TMEM138: variants seen among roughly 807,000 people sequenced by gnomAD.
The protein encoded by TMEM138 is transmembrane protein 138.
Under a neutral mutation model 18.1 loss-of-function variants are expected in TMEM138, and 9 were observed. The ratio of observed to expected loss-of-function variants is 0.50; its 90% CI spans 0.30 to 0.87. The LOEUF (loss-of-function observed/expected upper bound fraction) is 0.87. Among genes scored for constraint, TMEM138 ranks in the 40% least tolerant of loss-of-function variants. The pLI is 0.06. For missense variants in TMEM138, 189 were observed against 190.6 expected (o/e 0.99, Z 0.05); for synonymous variants, 79 against 74.8 (o/e 1.06, Z -0.29).
downstream of TMEM138, among the ~76,000 whole-genome samples, chr11:61,376,825 A>G (rs977044121): frequency 5.9e-5 from 9 of 152,108 alleles, no homozygotes; most frequent in Admixed American, 3.9e-4. Context: ...CTCAGGACCT[A>G]CTCGTCTAGA....
chr11:61,368,820 G>A lies in TMEM138; in HGVS notation c.*111G>A. On this transcript the variant is annotated 3_prime_UTR_variant, in exon 5 of 5. Coordinates refer to ENST00000278826, the MANE Select transcript of TMEM138 (RefSeq NM_016464.5). ...CAAACAGCTGGACTTTCCAAGGAAG[G>A]TTCAGACTAGCTGTGTTCAGCATTC... The A allele has an allele frequency of 1.3e-6, 1 of 774,900 alleles. No individual in the cohort carries two copies. The highest frequency in any genetic ancestry group is 2.2e-6 in the Non-Finnish European group (1 of 451,648). The allele number at this position is 774,900 out of a possible 1,614,324, so 48.0% of individuals were successfully genotyped here. A position where few individuals can be genotyped will look rare whatever the true frequency, so the allele number is the denominator to read the frequency against.
downstream of TMEM138, among the ~76,000 whole-genome samples, chr11:61,370,297 G>A (rs528052944): frequency 2.0e-5 from 3 of 152,328 alleles, no homozygotes; most frequent in Non-Finnish European, 2.9e-5. Flanking sequence ...TTCCTGAGGA[G>A]GGACAGTCCA....
chr11:61,368,499 T>C (rs1858234996), intron 4 of TMEM138, 98 bp from the exon 5 acceptor site: 2 of 750,254 alleles, frequency 2.7e-6, no homozygotes, highest in South Asian at 3.0e-5. Flanking sequence ...GTGCTGGGAT[T>C]ACAGGCGTGA....
intron 2 of TMEM138, among the ~76,000 whole-genome samples, chr11:61,364,977 C>T (rs1174653443): frequency 6.6e-6 from 1 of 151,058 alleles, no homozygotes; most frequent in Non-Finnish European, 1.5e-5. Context: ...CACCTGAGGT[C>T]GGGAATTCGG....
At chr11:61,376,670 C>T (rs978381125), downstream of TMEM138, among the ~76,000 whole-genome samples, 1 of 152,146 alleles carries the variant, frequency 6.6e-6, no homozygotes, top group Admixed American at 6.5e-5. Context: ...ACCTGCCTAC[C>T]GATGTATGGA....
At chr11:61,369,672 C>T (rs11825715), downstream of TMEM138, among the ~76,000 whole-genome samples, 450 of 152,318 alleles carry the variant, frequency 3.0e-3, 2 homozygotes, top group African/African-American at 0.011. Flanking sequence ...TCTGGGCTCA[C>T]TCTTGTGTCT....
chr11:61,370,171 G>T (rs1858300670), downstream of TMEM138, among the ~76,000 whole-genome samples: 1 of 152,160 alleles, frequency 6.6e-6, no homozygotes, highest in African/African-American at 2.4e-5. Context: ...GGGTAGGCAG[G>T]CTGGGCTGGA....
At chr11:61,369,947 A>C (rs771761890), downstream of TMEM138, among the ~76,000 whole-genome samples, 2 of 152,236 alleles carry the variant, frequency 1.3e-5, no homozygotes, top group African/African-American at 2.4e-5. Flanking sequence ...CCCAGAAACA[A>C]AGTGGCAAAC....
downstream of TMEM138, among the ~76,000 whole-genome samples, chr11:61,375,386 G>T (rs1858422415): frequency 1.5e-5 from 2 of 136,438 alleles, no homozygotes; most frequent in South Asian, 4.8e-4. Context: ...GCAGTGGTGT[G>T]ATCTCAGCTC....
At position 61,366,406 on chromosome 11, in the gene TMEM138, C is replaced by T. The variant is rs570931703; in HGVS notation, c.300+190C>T. The T allele has an allele frequency of 9.9e-4, 554 of 561,766 alleles. 11 individuals carry two copies. The South Asian group carries it at 0.015, about 15-fold the overall frequency. The allele number at this position is 561,766 out of a possible 1,614,324, so 34.8% of individuals were successfully genotyped here. On this transcript the variant is annotated intron_variant, in intron 3 of 4. Transcript: ENST00000278826. ...AATTACAGGCATGAGTCACTGTGCC[C>T]GGCCTGAACTCTGAATTCCTGAATC... is the stretch of plus-strand genomic sequence containing the variant.
rs745980911 is a variant in TMEM138 at position 61,368,009 on chromosome 11, G to C, written c.376+11G>C. The C allele has an allele frequency of 2.5e-6, 4 of 1,592,650 alleles. No individual in the cohort carries two copies. The highest frequency in any genetic ancestry group is 3.4e-6 in the Non-Finnish European group (4 of 1,160,578). The stretch of plus-strand genomic sequence containing the variant: ...TATTCCAGAGACTAGGTAAGGACCA[G>C]AGCAAGGTCAGGCCTCTCTCAGGTC... On this transcript the variant is annotated intron_variant, in intron 4 of 4. Coordinates refer to ENST00000278826, the MANE Select transcript of TMEM138 (RefSeq NM_016464.5).
chr11:61,368,792 G>A lies in TMEM138; in HGVS notation c.*83G>A. 3.8e-6 allele frequency: 4 copies of A among 1,043,234 alleles called. No individual in the cohort carries two copies. Among genetic ancestry groups the A allele is most frequent in the South Asian group, 1.3e-5 (1 of 77,610 alleles). 64.6% of individuals were successfully genotyped at this position (1,043,234 alleles called of 1,614,324 possible). A position where few individuals can be genotyped will look rare whatever the true frequency, so the allele number is the denominator to read the frequency against. On this transcript the variant is annotated 3_prime_UTR_variant, in exon 5 of 5. Coordinates refer to ENST00000278826, the MANE Select transcript of TMEM138 (RefSeq NM_016464.5). ...TGCAGGGAGAGTTGGCCCTATGCAT[G>A]GGCAAACAGCTGGACTTTCCAAGGA... is the stretch of plus-strand genomic sequence containing the variant.
downstream of TMEM138, among the ~76,000 whole-genome samples, chr11:61,374,002 C>A (rs1858401066): frequency 6.6e-6 from 1 of 151,900 alleles, no homozygotes; most frequent in Non-Finnish European, 1.5e-5. Context: ...GCCAACACAC[C>A]CGGCTAATTT....
chr11:61,371,697 G>A (rs571963130), downstream of TMEM138, among the ~76,000 whole-genome samples: 47 of 152,342 alleles, frequency 3.1e-4, no homozygotes, highest in African/African-American at 1.0e-3. Context: ...CTGAGAACAC[G>A]TGCCCAAGAT....
At chr11:61,375,797 C>T (rs1042870657), downstream of TMEM138, among the ~76,000 whole-genome samples, 1 of 152,164 alleles carries the variant, frequency 6.6e-6, no homozygotes, top group African/African-American at 2.4e-5. Context: ...ATAAAAGCCC[C>T]TTGGAAAAAC....
downstream of TMEM138, among the ~76,000 whole-genome samples, chr11:61,371,992 G>A (rs1379815895): frequency 1.3e-5 from 2 of 152,010 alleles, no homozygotes; most frequent in East Asian, 3.9e-4. Flanking sequence ...CCTGGCCAAC[G>A]TGGTGAAACC....
At chr11:61,368,375 G>A (rs1021166969) in intron 4 of TMEM138, 23 of 514,740 alleles carry the variant, frequency 4.5e-5, no homozygotes, top group East Asian at 7.1e-5. Context: ...ACAGGCGCCC[G>A]CCACCACGCC....
In TMEM138 at chr11:61,368,711, C is replaced by G. The variant is rs759791591; in HGVS notation, c.*2C>G. 3.7e-6 allele frequency: 6 copies of G among 1,607,882 alleles called. No homozygotes were observed. In the South Asian group the frequency reaches 6.6e-5, roughly 18 times the overall value. Reference sequence around the variant, plus strand: ...GAGTTCATGCAAGTTCGAAGGTGACCTCTTGTCACACTGATGGATACTTTT... The same window carrying G: ...GAGTTCATGCAAGTTCGAAGGTGACGTCTTGTCACACTGATGGATACTTTT... On this transcript the variant is annotated 3_prime_UTR_variant, in exon 5 of 5. Coordinates refer to ENST00000278826, the MANE Select transcript of TMEM138 (RefSeq NM_016464.5).
downstream of TMEM138, among the ~76,000 whole-genome samples, chr11:61,375,317 C>CTT (rs71043758): frequency 2.2e-3 from 144 of 65,250 alleles, no homozygotes; most frequent in African/African-American, 4.1e-3. Flanking sequence ...TGTGAGTATT[C>CTT]TTTTTTTTTT....
Sources: allele counts gnomAD v4.1 joint callset (sites outside exome capture counted in the v4.1 genomes callset), GRCh38; gene constraint gnomAD v4.1.1; transcripts MANE v1.5; gene names NCBI Gene and HGNC (gene_info 2026-07-23, HGNC 2026-07-21).